The following CCDC85C variants were observed in gnomAD, a reference collection of about 807,000 sequenced individuals.
CCDC85C encodes the protein coiled-coil domain containing 85C.
In CCDC85C, 18 loss-of-function variants were observed where a neutral mutation model predicts 38.3. The observed-to-expected ratio is 0.47, with a 90% confidence interval of 0.33 to 0.70. The LOEUF is 0.70. Ranked by LOEUF, CCDC85C falls within the 30% of genes least tolerant of loss-of-function variation. CCDC85C has a pLI of 0.03. For synonymous variants in CCDC85C, 264 were observed against 293.8 expected (o/e 0.90, Z 1.04); for missense variants, 566 against 621.2 (o/e 0.91, Z 0.94).
chr14:99,503,496 C>T lies in CCDC85C; in HGVS notation c.*11750G>A. On this transcript the variant is annotated 3_prime_UTR_variant, in exon 6 of 6. Transcript: ENST00000380243. The stretch of plus-strand genomic sequence containing the variant: ...AGTTCAGGCTAGAAATAATTTTTGT[C>T]CGAGGCTGTTCACAGTGACTGCCGT... 1 of 820,502 alleles carries T rather than the reference C, an allele frequency of 1.2e-6. No homozygotes were observed. Among genetic ancestry groups the T allele is most frequent in the Non-Finnish European group, 2.0e-6 (1 of 507,390 alleles). 50.8% of individuals were successfully genotyped at this position (820,502 alleles called of 1,614,324 possible).
Position 99,569,695 on chromosome 14 carries a change from G to A in CCDC85C, c.793+33472C>T, listed in dbSNP as rs761132767. Reference sequence around the variant, plus strand: ...CTCATCAGCACTTGAGACATTGCTAGTTCTTTGCACCTCTGCTTCCCCCCA... The same window carrying A: ...CTCATCAGCACTTGAGACATTGCTAATTCTTTGCACCTCTGCTTCCCCCCA... On this transcript the variant is annotated intron_variant, in intron 1 of 5. Coordinates refer to ENST00000380243, the MANE Select transcript of CCDC85C (RefSeq NM_001144995.2). The surrounding 1 kb of genome is among the most constrained non-coding windows in gnomAD (Gnocchi z 4.3). 2.0e-5 allele frequency among the ~76,000 whole-genome samples: 3 copies of A among 152,196 alleles called. No individual in the cohort carries two copies. The highest frequency in any genetic ancestry group is 4.4e-5 in the Non-Finnish European group (3 of 68,040).
intron 1 of CCDC85C, among the ~76,000 whole-genome samples, chr14:99,543,750 G>C (rs1897756390): frequency 6.6e-6 from 1 of 152,178 alleles, no homozygotes; most frequent in South Asian, 2.1e-4. Context: ...GCTGACACCA[G>C]CTCCTGGAAG....
chr14:99,519,767 G>A (rs896780831), intron 3 of CCDC85C, among the ~76,000 whole-genome samples: 2 of 152,196 alleles, frequency 1.3e-5, no homozygotes, highest in African/African-American at 4.8e-5. Context: ...TGGACCCTGA[G>A]AACAAGATTT....
intron 1 of CCDC85C, among the ~76,000 whole-genome samples, chr14:99,561,447 G>A (rs991973696): frequency 1.4e-4 from 21 of 152,174 alleles, no homozygotes; most frequent in Admixed American, 1.1e-3. Context: ...CATCCTCCAC[G>A]GCAGCAGAGC....
rs1473544688 is a variant in CCDC85C, at chr14:99,502,122, T to C, written c.*13124A>G. The C allele has an allele frequency of 7.3e-7, 1 of 1,366,920 alleles. No individual in the cohort carries two copies. Among genetic ancestry groups the C allele is most frequent in the Non-Finnish European group, 9.7e-7 (1 of 1,034,108 alleles). 84.7% of individuals were successfully genotyped at this position (1,366,920 alleles called of 1,614,324 possible). A position where few individuals can be genotyped will look rare whatever the true frequency, so the allele number is the denominator to read the frequency against. On this transcript the variant is annotated 3_prime_UTR_variant, in exon 6 of 6. Transcript: ENST00000380243. ...ATTTAGGGGAGAATAAGCAAATTAA[T>C]GGTTAGTTATGGCATCTCCATGCAC...
At position 99,516,762 on chromosome 14, in the gene CCDC85C, GC is replaced by G. The variant is rs1897232744; in HGVS notation, c.1071+325del. The stretch of plus-strand genomic sequence containing the variant: ...GACTCACCAGTCTGCACCTGCAGAG[GC>G]TGGGCCTGGCAGACCTGAGGTTAGT... On this transcript the variant is annotated intron_variant, in intron 4 of 5. Coordinates refer to ENST00000380243, the MANE Select transcript of CCDC85C (RefSeq NM_001144995.2). The surrounding 1 kb of genome is among the most constrained non-coding windows in gnomAD (Gnocchi z 5.5). Among the ~76,000 whole-genome samples, 1 of 152,144 alleles carries G rather than the reference GC, an allele frequency of 6.6e-6. No homozygotes were observed. The highest frequency in any genetic ancestry group is 1.5e-5 in the Non-Finnish European group (1 of 68,016).
At chr14:99,549,515 G>C (rs1350939649) in intron 1 of CCDC85C, among the ~76,000 whole-genome samples, 1 of 152,182 alleles carries the variant, frequency 6.6e-6, no homozygotes, top group Non-Finnish European at 1.5e-5. Flanking sequence ...GCCCCAACCT[G>C]CTCTGTGACC....
chr14:99,577,348 G>T (rs1898501908), intron 1 of CCDC85C, among the ~76,000 whole-genome samples: 1 of 149,820 alleles, frequency 6.7e-6, no homozygotes, highest in Non-Finnish European at 1.5e-5. Context: ...AGGGCTGACG[G>T]CGTGTCCAGC....
At chr14:99,541,725 G>C (rs538969041) in intron 1 of CCDC85C, among the ~76,000 whole-genome samples, 1 of 152,208 alleles carries the variant, frequency 6.6e-6, no homozygotes, top group African/African-American at 2.4e-5. Context: ...CGATACAGCC[G>C]TGGGCTCAGA....
intron 1 of CCDC85C, among the ~76,000 whole-genome samples, chr14:99,592,367 T>C (rs1595107107): frequency 3.3e-5 from 5 of 152,132 alleles, no homozygotes; most frequent in Admixed American, 1.3e-4. Flanking sequence ...ACAAGGTGAA[T>C]AGCATAGTCA....
At chr14:99,518,617 T>TA (rs1897260665) in intron 3 of CCDC85C, among the ~76,000 whole-genome samples, 1 of 152,106 alleles carries the variant, frequency 6.6e-6, no homozygotes, top group South Asian at 2.1e-4. Context: ...GTCGCACACA[T>TA]ACGGCCCTGG....
At chr14:99,523,752 A>C (rs1276801786) in intron 2 of CCDC85C, among the ~76,000 whole-genome samples, 7 of 151,768 alleles carry the variant, frequency 4.6e-5, no homozygotes, top group Non-Finnish European at 7.4e-5. Context: ...GATGGGTTTT[A>C]GATAACCCTG....
At chr14:99,587,688 G>A (rs1370219694) in intron 1 of CCDC85C, among the ~76,000 whole-genome samples, 2 of 152,174 alleles carry the variant, frequency 1.3e-5, no homozygotes, top group African/African-American at 2.4e-5. Flanking sequence ...GGGCAGCCAC[G>A]CATCTCAGGA....
chr14:99,534,237 C>T (rs1196741967), intron 2 of CCDC85C, among the ~76,000 whole-genome samples: 2 of 152,060 alleles, frequency 1.3e-5, no homozygotes, highest in South Asian at 2.1e-4. Flanking sequence ...TGCCTGTAGT[C>T]CCAGCTACTC....
Position 99,516,904 on chromosome 14 carries a change from C to T in CCDC85C, c.1071+184G>A, listed in dbSNP as rs1255076446. On this transcript the variant is annotated intron_variant, in intron 4 of 5. Transcript: ENST00000380243. This position sits in a 1 kb window ranked among gnomAD's most constrained non-coding sequence, Gnocchi z 5.5. ...TCAGGGATGGCAGACAGGTGACACACTTATGACTGCCACCTCTGAGTTCAA... is the reference window on the plus strand; with the variant it reads ...TCAGGGATGGCAGACAGGTGACACATTTATGACTGCCACCTCTGAGTTCAA... Among the ~76,000 whole-genome samples, 3 of 152,276 alleles carry T rather than the reference C, an allele frequency of 2.0e-5. No individual in the cohort carries two copies. The highest frequency in any genetic ancestry group is 7.2e-5 in the African/African-American group (3 of 41,546).
chr14:99,527,377 C>T (rs1460337547), intron 2 of CCDC85C, among the ~76,000 whole-genome samples: 1 of 152,196 alleles, frequency 6.6e-6, no homozygotes, highest in Non-Finnish European at 1.5e-5. Flanking sequence ...TTAGTGTCAG[C>T]TCGGGCATGG....
At chr14:99,524,068 TGAGA>T (rs1478664572) in intron 2 of CCDC85C, among the ~76,000 whole-genome samples, 1 of 123,780 alleles carries the variant, frequency 8.1e-6, no homozygotes, top group Non-Finnish European at 1.6e-5. Flanking sequence ...TCACCTCTCC[TGAGA>T]GATGTACCCC....
Position 99,582,373 on chromosome 14 carries a change from TAA to T in CCDC85C, c.793+20792_793+20793del, listed in dbSNP as rs375772622. 3.9e-4 allele frequency among the ~76,000 whole-genome samples: 59 copies of T among 152,202 alleles called. 2 individuals are homozygous for T. The South Asian group carries it at 6.9e-3, about 18-fold the overall frequency. ...ACAAGGTATTCTCCACCTGCGCATGTAAAAAGAGTTGGGATCAAAAATGGTAG... is the reference window on the plus strand; with the variant it reads ...ACAAGGTATTCTCCACCTGCGCATGTAAAGAGTTGGGATCAAAAATGGTAG... On this transcript the variant is annotated intron_variant, in intron 1 of 5. Coordinates refer to ENST00000380243, the MANE Select transcript of CCDC85C (RefSeq NM_001144995.2).
rs1337994627 is a variant in CCDC85C, at chr14:99,508,440, C to A, written c.*6806G>T. The A allele has an allele frequency of 6.6e-6, 1 of 152,358 alleles. No individual in the cohort carries two copies. The highest frequency in any genetic ancestry group is 1.5e-5 in the Non-Finnish European group (1 of 68,164). The allele number at this position is 152,358 out of a possible 1,614,324, so 9.4% of individuals were successfully genotyped here. The stretch of plus-strand genomic sequence containing the variant: ...CTGTGGAGGCCTCAGAGCTCTGCTC[C>A]CTCCCCCATTACAGATAGCCAGGAG... On this transcript the variant is annotated 3_prime_UTR_variant, in exon 6 of 6. Transcript: ENST00000380243.
Sources: allele counts gnomAD v4.1 joint callset (sites outside exome capture counted in the v4.1 genomes callset), GRCh38; gene constraint gnomAD v4.1.1; non-coding constraint Gnocchi (gnomAD v3.1); transcripts MANE v1.5; gene names NCBI Gene and HGNC (gene_info 2026-07-23, HGNC 2026-07-21).